Variants in LRP1B observed in about 807,000 individuals in gnomAD.
LRP1B encodes LDL receptor related protein 1B, also known as low-density lipoprotein receptor-related protein 1B.
In LRP1B, 217 loss-of-function variants were observed where a neutral mutation model predicts 556.6. That is an observed-to-expected ratio of 0.39 (90% CI 0.35 to 0.44). The LOEUF is 0.44. Ranked by LOEUF, LRP1B falls within the 20% of genes least tolerant of loss-of-function variation. LRP1B has a pLI of 1.00. For synonymous variants in LRP1B, 2,047 were observed against 1,865.8 expected (o/e 1.10, Z -2.50); for missense variants, 5,053 against 5,620.8 (o/e 0.90, Z 3.23).
intron 53 of LRP1B, among the ~76,000 whole-genome samples, chr2:140,505,571 T>G (rs1326040121): frequency 6.6e-6 from 1 of 152,220 alleles, no homozygotes; most frequent in Non-Finnish European, 1.5e-5. Flanking sequence ...GTCTCATTCA[T>G]CTCTGTATCA....
chr2:141,608,582 G>T (rs1687999619), intron 2 of LRP1B, among the ~76,000 whole-genome samples: 2 of 152,140 alleles, frequency 1.3e-5, no homozygotes, highest in South Asian at 4.2e-4. Flanking sequence ...GGCCAAATGT[G>T]GGCAAAATTG....
intron 44 of LRP1B, 55 bp from the exon 45 acceptor site, chr2:140,541,153 T>A (rs2105017814): frequency 7.1e-7 from 1 of 1,407,878 alleles, no homozygotes; most frequent in Non-Finnish European, 9.9e-7. Context: ...TGTTCTATGT[T>A]AGATAAATAT....
chr2:141,800,193 G>A (rs918187809), intron 2 of LRP1B, among the ~76,000 whole-genome samples: 22 of 152,064 alleles, frequency 1.4e-4, no homozygotes, highest in Non-Finnish European at 2.2e-4. Context: ...GAGGTTGTAT[G>A]GCATCATGGA....
intron 3 of LRP1B, among the ~76,000 whole-genome samples, chr2:141,434,301 AG>A (rs1468309292): frequency 1.3e-5 from 2 of 152,054 alleles, no homozygotes; most frequent in Non-Finnish European, 2.9e-5. Flanking sequence ...TTGTTCTTCA[AG>A]TTACATATTC....
intron 66 of LRP1B, among the ~76,000 whole-genome samples, chr2:140,439,700 C>T (rs931153866): frequency 6.6e-6 from 1 of 151,750 alleles, no homozygotes; most frequent in Non-Finnish European, 1.5e-5. Flanking sequence ...AATTATTAAG[C>T]CTGGTCTCCT....
chr2:141,812,939 A>G (rs1407927871), intron 1 of LRP1B, among the ~76,000 whole-genome samples: 1 of 152,128 alleles, frequency 6.6e-6, no homozygotes, highest in Non-Finnish European at 1.5e-5. Flanking sequence ...ATAGATAGAA[A>G]AAAAAAAGAC....
At chr2:141,532,737 G>C (rs1396687275) in intron 2 of LRP1B, among the ~76,000 whole-genome samples, 1 of 152,122 alleles carries the variant, frequency 6.6e-6, no homozygotes, top group Non-Finnish European at 1.5e-5. Flanking sequence ...TGTAATCCCA[G>C]CACTTTGGGA....
chr2:141,052,993 T>C (rs1021538735), intron 10 of LRP1B, among the ~76,000 whole-genome samples: 2 of 152,164 alleles, frequency 1.3e-5, no homozygotes, highest in Non-Finnish European at 2.9e-5. Context: ...TAGTACTTCA[T>C]TGATGTAATA....
chr2:141,251,649 TTAAA>T (rs1684265093), intron 4 of LRP1B, among the ~76,000 whole-genome samples: 1 of 152,036 alleles, frequency 6.6e-6, no homozygotes, highest in Non-Finnish European at 1.5e-5. Flanking sequence ...GAGTGGGACT[TTAAA>T]TATGTATGAA....
intron 35 of LRP1B, among the ~76,000 whole-genome samples, chr2:140,741,848 A>G (rs1231224708): frequency 3.9e-5 from 6 of 152,126 alleles, no homozygotes; most frequent in African/African-American, 1.4e-4. Flanking sequence ...AATGTAAGTG[A>G]GAACATGCAC....
chr2:140,944,776 T>C (rs1182522370), intron 20 of LRP1B, among the ~76,000 whole-genome samples: 1 of 152,128 alleles, frequency 6.6e-6, no homozygotes, highest in African/African-American at 2.4e-5. Context: ...TAATAAGAGC[T>C]GTCTATGACA....
rs777324948 is a variant in LRP1B at position 140,495,728 on chromosome 2, G to C, written c.8871C>G (p.Phe2957Leu). 6.2e-7 allele frequency: 1 copy of C among 1,609,224 alleles called. No individual in the cohort carries two copies. Among genetic ancestry groups the C allele is most frequent in the Non-Finnish European group, 8.5e-7 (1 of 1,175,974 alleles). The change falls in exon 56 of 91, where the codon TTC becomes TTG. Residue 2957 changes from phenylalanine (F) to leucine (L), a missense_variant. By Grantham distance (22) the Phe-to-Leu change is conservative. Coordinates refer to ENST00000389484, the MANE Select transcript of LRP1B (RefSeq NM_018557.3). Reference sequence around the variant, plus strand: ...ATGTTTTGCCGTCATCCTTCAGTTGGAATCCAGGCCAGCATTTGCACTGGG... The same window carrying C: ...ATGTTTTGCCGTCATCCTTCAGTTGCAATCCAGGCCAGCATTTGCACTGGG... ...VSYKCKCWPGFQLKDDGKTCV... is the reference protein window; with the variant it reads ...VSYKCKCWPGLQLKDDGKTCV...
intron 49 of LRP1B, among the ~76,000 whole-genome samples, chr2:140,517,558 C>A (rs1462314692): frequency 6.6e-6 from 1 of 151,708 alleles, no homozygotes; most frequent in African/African-American, 2.4e-5. Context: ...GTTACACTGG[C>A]AAATCTGAAA....
chr2:141,304,474 C>CT (rs1558992761), intron 3 of LRP1B, among the ~76,000 whole-genome samples: 4 of 105,844 alleles, frequency 3.8e-5, no homozygotes, highest in African/African-American at 9.9e-5. Context: ...CAGTTTCATT[C>CT]ATTTTTTTTT....
chr2:140,642,694 A>T (rs1364927613), intron 41 of LRP1B, among the ~76,000 whole-genome samples: 2 of 152,112 alleles, frequency 1.3e-5, no homozygotes, highest in African/African-American at 2.4e-5. Flanking sequence ...TACAAAAAAA[A>T]TTAGCTGGGC....
chr2:140,627,539 C>CTT (rs2105267318), intron 41 of LRP1B, among the ~76,000 whole-genome samples: 1 of 152,326 alleles, frequency 6.6e-6, no homozygotes, highest in East Asian at 1.9e-4. Context: ...ACTGCACTGT[C>CTT]AGCTTCCCTA....
chr2:140,461,759 G>C lies in LRP1B; in HGVS notation c.9626-4108C>G, dbSNP rs183756327. Among the ~76,000 whole-genome samples the C allele has an allele frequency of 2.6e-3, 388 of 152,060 alleles. 1 individual carries two copies. Among genetic ancestry groups the C allele is most frequent in the Non-Finnish European group, 3.9e-3 (265 of 67,972 alleles). On this transcript the variant is annotated intron_variant, in intron 60 of 90. Coordinates refer to ENST00000389484, the MANE Select transcript of LRP1B (RefSeq NM_018557.3). ...TGAGGCAGGAGAATCCCTTGAACCC[G>C]GGAGGCAGAGGTTGCAGTGAGCTGT...
intron 1 of LRP1B, among the ~76,000 whole-genome samples, chr2:141,886,363 A>C (rs755920802): frequency 9.2e-5 from 14 of 152,182 alleles, no homozygotes; most frequent in Non-Finnish European, 1.5e-4. Flanking sequence ...AATTATACTC[A>C]TGATTTTCTG....
intron 3 of LRP1B, among the ~76,000 whole-genome samples, chr2:141,471,957 A>G (rs571251469): frequency 1.3e-5 from 2 of 152,366 alleles, no homozygotes; most frequent in South Asian, 4.1e-4. Flanking sequence ...ATAAATATTC[A>G]TATAAATTAA....
Sources: gnomAD v4.1 joint callset for allele counts (sites outside exome capture counted in the v4.1 genomes callset) on GRCh38, gnomAD v4.1.1 for gene constraint, MANE v1.5 for transcripts, NCBI Gene and HGNC (gene_info 2026-07-23, HGNC 2026-07-21) for gene names.